The following CCDC85A variants were observed in gnomAD, a reference collection of about 807,000 sequenced individuals.
CCDC85A encodes coiled-coil domain containing 85A.
Under a neutral mutation model 50.2 loss-of-function variants are expected in CCDC85A, and 38 were observed. The observed-to-expected ratio is 0.76, with a 90% CI of 0.58 to 0.99. The LOEUF (loss-of-function observed/expected upper bound fraction) is 0.99. Ranked by LOEUF, CCDC85A falls within the 50% of genes least tolerant of loss-of-function variation. The pLI, the probability that CCDC85A is intolerant of heterozygous loss-of-function variation, is 0.00. For synonymous variants in CCDC85A, 366 were observed against 301.4 expected (o/e 1.21, Z -2.22); for missense variants, 820 against 742.0 (o/e 1.11, Z -1.22).
At position 56,184,819 on chromosome 2, in the gene CCDC85A, C is replaced by A. The variant is rs1184867903; in HGVS notation, c.195C>A (p.Ser65Arg). ...GGCGCGCCGAGGCGGAGAAGGTGAG[C>A]GCGATGCTGGACCACAGCAACCTCA... ...SLRRAEAEKV[S>R]AMLDHSNLIR... Residue 65 changes from serine to arginine, a missense_variant, in exon 1 of 6, where the codon AGC becomes AGA. Coordinates refer to ENST00000407595, the MANE Select transcript of CCDC85A (RefSeq NM_001080433.2). 6.5e-7 allele frequency: 1 copy of A among 1,545,492 alleles called. No individual in the cohort carries two copies. Among genetic ancestry groups the A allele is most frequent in the Admixed American group, 2.0e-5 (1 of 50,926 alleles).
chr2:56,220,161 T>A (rs1347177410), intron 2 of CCDC85A, among the ~76,000 whole-genome samples: 3 of 151,994 alleles, frequency 2.0e-5, no homozygotes, highest in Non-Finnish European at 4.4e-5. Context: ...ATGTTAGTGT[T>A]CTTGGAACAT....
chr2:56,224,662 G>A (rs1294133379), intron 2 of CCDC85A, among the ~76,000 whole-genome samples: 6 of 152,234 alleles, frequency 3.9e-5, no homozygotes, highest in Non-Finnish European at 5.9e-5. Flanking sequence ...TGGATATGAA[G>A]TGGTATCTAA....
intron 2 of CCDC85A, among the ~76,000 whole-genome samples, chr2:56,228,516 C>T (rs960182631): frequency 1.5e-4 from 22 of 150,536 alleles, no homozygotes; most frequent in African/African-American, 5.4e-4. Context: ...TCCTCTTTCT[C>T]CCCTTTATTT....
Position 56,245,894 on chromosome 2 carries a change from A to G in CCDC85A, c.1240+52454A>G, listed in dbSNP as rs72923429. ...CCATCTCCTTGATCTTGAACTTCCCAGTTTCCAGAACTGGGAGAAATAAAT... is the reference window on the plus strand; with the variant it reads ...CCATCTCCTTGATCTTGAACTTCCCGGTTTCCAGAACTGGGAGAAATAAAT... On this transcript the variant is annotated intron_variant, in intron 2 of 5. Transcript: ENST00000407595. Among the ~76,000 whole-genome samples, 246 of 152,290 alleles carry G rather than the reference A, an allele frequency of 1.6e-3. 1 individual carries two copies. The highest frequency in any genetic ancestry group is 5.7e-3 in the African/African-American group (235 of 41,566).
chr2:56,343,811 A>G (rs1674493820), intron 3 of CCDC85A, among the ~76,000 whole-genome samples: 1 of 152,240 alleles, frequency 6.6e-6, no homozygotes, highest in African/African-American at 2.4e-5. Flanking sequence ...AACAACTAGT[A>G]AGCAGTAGTT....
intron 2 of CCDC85A, among the ~76,000 whole-genome samples, chr2:56,205,233 AATG>A: frequency 6.6e-6 from 1 of 152,264 alleles, no homozygotes; most frequent in Non-Finnish European, 1.5e-5. Flanking sequence ...AGAGTAATCT[AATG>A]ATGAAACAGT....
intron 2 of CCDC85A, among the ~76,000 whole-genome samples, chr2:56,308,624 A>T (rs113160834): frequency 1.6e-3 from 246 of 152,316 alleles, no homozygotes; most frequent in African/African-American, 4.9e-3. Flanking sequence ...ATTTGTTGGA[A>T]GGTTCTGTTT....
At chr2:56,232,860 C>G (rs976121582) in intron 2 of CCDC85A, among the ~76,000 whole-genome samples, 1 of 152,172 alleles carries the variant, frequency 6.6e-6, no homozygotes. Context: ...AGCTGCCCCT[C>G]TTTTGTCTTT....
At chr2:56,315,039 C>T (rs1558636898) in intron 2 of CCDC85A, among the ~76,000 whole-genome samples, 3 of 152,270 alleles carry the variant, frequency 2.0e-5, no homozygotes, top group Admixed American at 6.5e-5. Flanking sequence ...ACTTCTCTTT[C>T]TCCCATCCCC....
At chr2:56,308,359 G>C (rs1672537857) in intron 2 of CCDC85A, among the ~76,000 whole-genome samples, 1 of 152,238 alleles carries the variant, frequency 6.6e-6, no homozygotes, top group East Asian at 1.9e-4. Context: ...TATCCAAGAG[G>C]TCTGGACCCA....
chr2:56,353,484 T>C (rs1675060478), intron 3 of CCDC85A, among the ~76,000 whole-genome samples: 1 of 152,278 alleles, frequency 6.6e-6, no homozygotes, highest in African/African-American at 2.4e-5. Context: ...CTGAACATTC[T>C]GAGACCAGGT....
chr2:56,318,363 G>A (rs76738139), intron 2 of CCDC85A, among the ~76,000 whole-genome samples: 1 of 151,842 alleles, frequency 6.6e-6, no homozygotes, highest in African/African-American at 2.4e-5. Flanking sequence ...ATGAGCTGTT[G>A]CTTCAGTGTA....
In CCDC85A at chr2:56,297,649, G is replaced by A. The variant is rs570821405; in HGVS notation, c.1241-45230G>A. ...ATTGTGAGTTCTGTTGCAGGGGAAA[G>A]CCTTTTCCTCAGTAAGGTCAGTAAA... On this transcript the variant is annotated intron_variant, in intron 2 of 5. Coordinates refer to ENST00000407595, the MANE Select transcript of CCDC85A (RefSeq NM_001080433.2). Among the ~76,000 whole-genome samples, 8 of 152,278 alleles carry A rather than the reference G, an allele frequency of 5.3e-5. No homozygotes were observed. The Middle Eastern group carries it at 0.024, about 453-fold the overall frequency.
In CCDC85A at chr2:56,249,661, G is replaced by A. The variant is rs72923432; in HGVS notation, c.1240+56221G>A. ...TCAGTTTTCTCTGAGCCTTCACGAA[G>A]TAGCTTTTATCAATTTTCTTTGCCT... On this transcript the variant is annotated intron_variant, in intron 2 of 5. Transcript: ENST00000407595. 1.8e-3 allele frequency among the ~76,000 whole-genome samples: 267 copies of A among 152,334 alleles called. 1 individual carries two copies. The highest frequency in any genetic ancestry group is 6.2e-3 in the African/African-American group (256 of 41,572).
chr2:56,221,590 T>C (rs1668332026), intron 2 of CCDC85A, among the ~76,000 whole-genome samples: 1 of 152,104 alleles, frequency 6.6e-6, no homozygotes, highest in Admixed American at 6.6e-5. Flanking sequence ...GAACTATAAT[T>C]GTAACACAAG....
intron 2 of CCDC85A, among the ~76,000 whole-genome samples, chr2:56,262,852 A>G (rs762123150): frequency 2.4e-4 from 37 of 152,230 alleles, no homozygotes; most frequent in Non-Finnish European, 5.0e-4. Flanking sequence ...AGCCACATAT[A>G]TGTAACCAGG....
intron 3 of CCDC85A, among the ~76,000 whole-genome samples, chr2:56,363,961 C>T (rs1341657522): frequency 6.6e-6 from 1 of 152,132 alleles, no homozygotes; most frequent in Admixed American, 6.5e-5. Flanking sequence ...AATGCCATAA[C>T]CTTTTACTAT....
At chr2:56,295,666 A>G (rs1175808440) in intron 2 of CCDC85A, among the ~76,000 whole-genome samples, 2 of 152,178 alleles carry the variant, frequency 1.3e-5, no homozygotes, top group Non-Finnish European at 2.9e-5. Context: ...CTATCATTCC[A>G]GATCATTTCT....
chr2:56,327,851 A>T (rs985955143), intron 2 of CCDC85A, among the ~76,000 whole-genome samples: 5 of 147,958 alleles, frequency 3.4e-5, no homozygotes, highest in Non-Finnish European at 7.4e-5. Flanking sequence ...AAAAAAAAAA[A>T]AGATTTTAAG....
Sources: allele counts gnomAD v4.1 joint callset (sites outside exome capture counted in the v4.1 genomes callset), GRCh38; gene constraint gnomAD v4.1.1; transcripts MANE v1.5; gene names NCBI Gene and HGNC (gene_info 2026-07-23, HGNC 2026-07-21).